The following PSMG1 variants were observed in gnomAD, a reference collection of about 807,000 sequenced individuals.
PSMG1 encodes the protein Down syndrome critical region gene 2.
A neutral mutation model predicts 37.2 loss-of-function variants in PSMG1; 23 were observed. That is an observed-to-expected ratio of 0.62 (90% CI 0.44 to 0.88). PSMG1 has a LOEUF of 0.88. Among genes scored for constraint, PSMG1 ranks in the 40% least tolerant of loss-of-function variants. The pLI is 0.00. For synonymous variants in PSMG1, 127 were observed against 128.0 expected (o/e 0.99, Z 0.05); for missense variants, 340 against 344.2 (o/e 0.99, Z 0.10).
chr21:39,178,354 C>T (rs1475979220), intron 5 of PSMG1, 95 bp downstream of exon 5: 3 of 1,111,386 alleles, frequency 2.7e-6, no homozygotes, highest in Non-Finnish European at 4.0e-6. Context: ...TATCAATCAT[C>T]ATTAATAAAC....
chr21:39,181,695 A>T (rs1413536876), intron 2 of PSMG1, 77 bp downstream of exon 2: 1 of 1,052,034 alleles, frequency 9.5e-7, no homozygotes, highest in Non-Finnish European at 1.3e-6. Flanking sequence ...AAACATTTTA[A>T]ATCTTTTATG....
chr21:39,177,254 A>G (rs1024115625), intron 6 of PSMG1, among the ~76,000 whole-genome samples, 181 bp downstream of exon 6: 1 of 152,264 alleles, frequency 6.6e-6, no homozygotes, highest in African/African-American at 2.4e-5. Context: ...TCGTCAAGTT[A>G]CAGACGTATA....
At chr21:39,182,395 C>A (rs2030870811) in intron 1 of PSMG1, among the ~76,000 whole-genome samples, 1 of 152,188 alleles carries the variant, frequency 6.6e-6, no homozygotes, top group Non-Finnish European at 1.5e-5. Flanking sequence ...TGAAGTGACA[C>A]GTCTAAATGT....
Position 39,175,581 on chromosome 21 carries a change from TG to T in PSMG1, c.*8del, listed in dbSNP as rs372999986. ...ACAAGTAATATACACTACAAAACAA[TG>T]TTTAAGATCATGTATAAATGTTACT... On this transcript the variant is annotated 3_prime_UTR_variant, in exon 7 of 7. Coordinates refer to ENST00000331573, the MANE Select transcript of PSMG1 (RefSeq NM_003720.4). The T allele has an allele frequency of 3.5e-4, 558 of 1,584,742 alleles. 9 individuals are homozygous for T. The East Asian group carries it at 0.01, about 30-fold the overall frequency.
At chr21:39,177,876 T>C (rs535630090) in intron 5 of PSMG1, among the ~76,000 whole-genome samples, 13 of 152,200 alleles carry the variant, frequency 8.5e-5, no homozygotes, top group African/African-American at 2.6e-4. Context: ...AAATAACAAA[T>C]AAGTACAAAA....
At chr21:39,181,319 T>G (rs1487855985) in intron 2 of PSMG1, among the ~76,000 whole-genome samples, 1 of 151,978 alleles carries the variant, frequency 6.6e-6, no homozygotes, top group African/African-American at 2.4e-5. Context: ...TTATTTTTTG[T>G]AGAGATACGG....
Position 39,177,606 on chromosome 21 carries a change from T to G in PSMG1, c.656-35A>C, listed in dbSNP as rs746177091. 2.4e-5 allele frequency: 35 copies of G among 1,460,886 alleles called. No homozygotes were observed. In the South Asian group the frequency reaches 4.9e-4, roughly 21 times the overall value. 90.5% of individuals were successfully genotyped at this position (1,460,886 alleles called of 1,614,324 possible). ...CACAAGAAAAAAAAACGATGTAAGT[T>G]TTCTATTATGTTACTTTTAAATTAA... On this transcript the variant is annotated intron_variant, in intron 5 of 6. Coordinates refer to ENST00000331573, the MANE Select transcript of PSMG1 (RefSeq NM_003720.4).
chr21:39,180,801 C>G (rs2030801312), intron 2 of PSMG1, among the ~76,000 whole-genome samples: 1 of 152,102 alleles, frequency 6.6e-6, no homozygotes, highest in African/African-American at 2.4e-5. Flanking sequence ...CTAGGGGTAC[C>G]TTACAGAGGA....
chr21:39,183,417 A>G lies in PSMG1; in HGVS notation c.-32T>C. 1 of 1,559,564 alleles carries G rather than the reference A, an allele frequency of 6.4e-7. No individual in the cohort carries two copies. The highest frequency in any genetic ancestry group is 8.6e-7 in the Non-Finnish European group (1 of 1,158,414). The stretch of plus-strand genomic sequence containing the variant: ...CCCGTGACCGGCTGGACACAACTGC[A>G]GCGCCGCGGGACCGCACGCCGGCTT... On this transcript the variant is annotated 5_prime_UTR_variant, in exon 1 of 7. Transcript: ENST00000331573.
chr21:39,179,000 C>T (rs2030726592), intron 4 of PSMG1, among the ~76,000 whole-genome samples: 1 of 152,096 alleles, frequency 6.6e-6, no homozygotes, highest in African/African-American at 2.4e-5. Context: ...AATGGCCTAG[C>T]ACCACCCTGT....
rs912564579 is a variant in PSMG1 at position 39,178,721 on chromosome 21, T to C, written c.457-74A>G. 9.0e-5 allele frequency: 121 copies of C among 1,347,948 alleles called. 1 individual carries two copies. The highest frequency in any genetic ancestry group is 1.9e-5 in the Non-Finnish European group (19 of 975,972). The allele number at this position is 1,347,948 out of a possible 1,614,324, so 83.5% of individuals were successfully genotyped here. A position where few individuals can be genotyped will look rare whatever the true frequency, so the allele number is the denominator to read the frequency against. On this transcript the variant is annotated intron_variant, in intron 4 of 6. Coordinates refer to ENST00000331573, the MANE Select transcript of PSMG1 (RefSeq NM_003720.4). ...AGAATGGAAACATTCCTCTAGGTATTCACCTAACACCACAGACAATAATAG... is the reference window on the plus strand; with the variant it reads ...AGAATGGAAACATTCCTCTAGGTATCCACCTAACACCACAGACAATAATAG...
Position 39,183,350 on chromosome 21 carries a change from C to T in PSMG1, c.36G>A (p.Ala12=), listed in dbSNP as rs776680756. 7.0e-6 allele frequency: 11 copies of T among 1,573,654 alleles called. No homozygotes were observed. In the South Asian group the frequency reaches 1.3e-4, roughly 18 times the overall value. ...CGTCCTCAGTCCCAGCTCGGCACGG[C>T]GCCTTCACCACCTCTCCGAAGAACG... ...AATFFGEVVK[A]PCRAGTEDEE... The change falls in exon 1 of 7, where the codon GCG becomes GCA. Residue 12 remains alanine (A), a synonymous_variant. Coordinates refer to ENST00000331573, the MANE Select transcript of PSMG1 (RefSeq NM_003720.4).
At chr21:39,179,084 C>T (rs1330673422) in intron 4 of PSMG1, among the ~76,000 whole-genome samples, 1 of 152,066 alleles carries the variant, frequency 6.6e-6, no homozygotes, top group African/African-American at 2.4e-5. Context: ...TGGCTCCTCC[C>T]CTCTCTCATG....
At chr21:39,182,212 TGAATGA>T (rs888492897) in intron 1 of PSMG1, among the ~76,000 whole-genome samples, 22 of 152,184 alleles carry the variant, frequency 1.4e-4, no homozygotes, top group African/African-American at 3.6e-4. Flanking sequence ...GACAAAACTT[TGAATGA>T]GAATCTGACC....
rs1377320295 is a variant in PSMG1, at chr21:39,180,409, G to C, written c.269C>G (p.Ser90Ter). ...ACAACCAACTTCCTCCCAGACTCCT[G>C]AATTCATAACAAATGATGACAGAAA... ...VAFLSSFVMN[S>*]GVWEEVGCAK... is the part of the protein sequence containing the mutation. Residue 90 changes from serine (S) to a stop codon, truncating the protein, a stop_gained, in exon 3 of 7, where the codon TCA (serine) becomes TGA (stop). Coordinates refer to ENST00000331573, the MANE Select transcript of PSMG1 (RefSeq NM_003720.4). LOFTEE classifies it high-confidence loss of function. 6.2e-7 allele frequency: 1 copy of C among 1,600,608 alleles called. No homozygotes were observed. The highest frequency in any genetic ancestry group is 1.3e-5 in the African/African-American group (1 of 74,496).
At chr21:39,179,861 G>A (rs953130054) in intron 4 of PSMG1, 63 bp downstream of exon 4, 173 of 1,376,750 alleles carry the variant, frequency 1.3e-4, no homozygotes, top group African/African-American at 2.6e-4. Flanking sequence ...AAAAGACATC[G>A]AACCCTTAAA....
intron 6 of PSMG1, 27 bp downstream of exon 6, chr21:39,177,408 A>G: frequency 6.5e-7 from 1 of 1,537,964 alleles, no homozygotes; most frequent in Non-Finnish European, 8.7e-7. Flanking sequence ...CAATGCAGCT[A>G]TTAATTTAAA....
At position 39,183,229 on chromosome 21, in the gene PSMG1, CTGCCCTTATCCCGG is replaced by C. The variant is rs1397384399; in HGVS notation, c.134+9_134+22del. The stretch of plus-strand genomic sequence containing the variant: ...GCACCTTCCAGCTGCGGTGAGCGCG[CTGCCCTTATCCCGG>C]TGCCTCACCTCTTCCGCGCCAGCTG... On this transcript the variant is annotated intron_variant, in intron 1 of 6. Transcript: ENST00000331573. 1.3e-6 allele frequency: 2 copies of C among 1,557,874 alleles called. No homozygotes were observed. Among genetic ancestry groups the C allele is most frequent in the African/African-American group, 2.8e-5 (2 of 71,182 alleles).
chr21:39,177,366 T>C lies in PSMG1; in HGVS notation c.792+69A>G, dbSNP rs139722797. The C allele has an allele frequency of 2.7e-4, 369 of 1,358,520 alleles. 2 individuals carry two copies. In the African/African-American group the frequency reaches 4.7e-3, roughly 17 times the overall value. 84.2% of individuals were successfully genotyped at this position (1,358,520 alleles called of 1,614,324 possible). A position where few individuals can be genotyped will look rare whatever the true frequency, so the allele number is the denominator to read the frequency against. ...TTGCTTAGGGTTTAAAATGACAGTA[T>C]ACATTTATGTTTGTTACTAAGCTGA... On this transcript the variant is annotated intron_variant, in intron 6 of 6. Transcript: ENST00000331573.
Sources: gnomAD v4.1 joint callset for allele counts (sites outside exome capture counted in the v4.1 genomes callset) on GRCh38, gnomAD v4.1.1 for gene constraint, MANE v1.5 for transcripts, NCBI Gene and HGNC (gene_info 2026-07-23, HGNC 2026-07-21) for gene names.